USP10: variants seen among roughly 807,000 people sequenced by gnomAD.
The protein encoded by USP10 is ubiquitin carboxyl-terminal hydrolase 10.
USP10 carries 22 observed loss-of-function variants against 84.5 expected under a neutral mutation model. The ratio of observed to expected loss-of-function variants is 0.26; its 90% CI spans 0.19 to 0.37. The LOEUF (loss-of-function observed/expected upper bound fraction) is 0.37, where lower values mean the gene tolerates loss of function less well. Among genes scored for constraint, USP10 ranks in the 10% least tolerant of loss-of-function variants. USP10 has a pLI of 1.00. For missense variants in USP10, 1,019 were observed against 998.9 expected (o/e 1.02, Z -0.27); for synonymous variants, 454 against 387.6 (o/e 1.17, Z -2.01).
At chr16:84,705,087 C>G (rs548532128) in intron 1 of USP10, among the ~76,000 whole-genome samples, 2 of 152,308 alleles carry the variant, frequency 1.3e-5, no homozygotes, top group African/African-American at 4.8e-5. Flanking sequence ...CGGATCCATT[C>G]TCAGTTTATT....
intron 10 of USP10, among the ~76,000 whole-genome samples, chr16:84,766,284 G>A (rs939681141): frequency 1.3e-5 from 2 of 152,254 alleles, no homozygotes; most frequent in African/African-American, 4.8e-5. Flanking sequence ...TCTGTGTTCT[G>A]CACTGTGAGC....
chr16:84,737,095 G>T (rs965236102), intron 2 of USP10, among the ~76,000 whole-genome samples: 1 of 152,166 alleles, frequency 6.6e-6, no homozygotes, highest in Non-Finnish European at 1.5e-5. Context: ...GCCTAATTTG[G>T]TATCTTAATG....
Position 84,726,870 on chromosome 16 carries a change from C to G in USP10, c.22-6565C>G, listed in dbSNP as rs112815274. Among the ~76,000 whole-genome samples the G allele has an allele frequency of 8.8e-3, 1,339 of 152,364 alleles. 13 individuals are homozygous for G. Among genetic ancestry groups the G allele is most frequent in the African/African-American group, 0.03 (1,259 of 41,584 alleles). On this transcript the variant is annotated intron_variant, in intron 1 of 13. Transcript: ENST00000219473. ...CGCCCCTGGGCATTTCCTATGCAAC[C>G]ACAGGACGCGGGAAAGGAGCGTTTG...
At chr16:84,758,255 C>T (rs907846566) in intron 4 of USP10, among the ~76,000 whole-genome samples, 1 of 152,084 alleles carries the variant, frequency 6.6e-6, no homozygotes, top group African/African-American at 2.4e-5. Flanking sequence ...TGTGTAGGGT[C>T]AGCATTAGAT....
chr16:84,708,748 A>G (rs1271265969), intron 1 of USP10: 2 of 152,262 alleles, frequency 1.3e-5, no homozygotes, highest in South Asian at 2.1e-4. Flanking sequence ...GACTTGTAAT[A>G]GAATGCAAAA....
intron 1 of USP10, among the ~76,000 whole-genome samples, chr16:84,703,337 A>G (rs753359762): frequency 2.6e-5 from 4 of 152,204 alleles, no homozygotes; most frequent in African/African-American, 9.7e-5. Flanking sequence ...TGAAATCTCC[A>G]CAATAATGCT....
chr16:84,727,461 AAC>A (rs1908647250), intron 1 of USP10, among the ~76,000 whole-genome samples: 2 of 71,298 alleles, frequency 2.8e-5, no homozygotes, highest in South Asian at 6.0e-4. Flanking sequence ...GCTTTAAAAA[AAC>A]AAACAAACAA....
rs1911748486 is a variant in USP10, at chr16:84,750,175, A to G, written c.1192+4502A>G. Among the ~76,000 whole-genome samples, 5 of 152,132 alleles carry G rather than the reference A, an allele frequency of 3.3e-5. No homozygotes were observed. The South Asian group carries it at 1.0e-3, about 32-fold the overall frequency. On this transcript the variant is annotated intron_variant, in intron 4 of 13. Transcript: ENST00000219473. ...GTAATCCCAGCACTTTCGGAGGTTGAGGTGGGTGGATCCCTTGAGGCCAGG... is the reference window on the plus strand; with the variant it reads ...GTAATCCCAGCACTTTCGGAGGTTGGGGTGGGTGGATCCCTTGAGGCCAGG...
intron 9 of USP10, 21 bp from the exon 10 acceptor site, chr16:84,764,065 A>T: frequency 6.2e-7 from 1 of 1,605,502 alleles, no homozygotes; most frequent in Non-Finnish European, 8.5e-7. Context: ...TAGTAGTGTA[A>T]GCAGATGCTC....
At chr16:84,731,245 C>G (rs1278752946) in intron 1 of USP10, among the ~76,000 whole-genome samples, 2 of 151,122 alleles carry the variant, frequency 1.3e-5, no homozygotes, top group African/African-American at 4.9e-5. Flanking sequence ...TCCCAGAGTG[C>G]TGGGATTACA....
intron 2 of USP10, among the ~76,000 whole-genome samples, chr16:84,739,867 C>T (rs1910419715): frequency 6.6e-6 from 1 of 152,186 alleles, no homozygotes. Context: ...GACCTGGTCC[C>T]AGCCTCTACT....
At chr16:84,724,563 C>G (rs1908213881) in intron 1 of USP10, among the ~76,000 whole-genome samples, 1 of 152,154 alleles carries the variant, frequency 6.6e-6, no homozygotes, top group Non-Finnish European at 1.5e-5. Context: ...GACCTCTTTG[C>G]CCCAAGAAAG....
Position 84,759,363 on chromosome 16 carries a change from A to C in USP10, c.1285A>C (p.Thr429Pro). The change falls in exon 6 of 14, where the codon ACA (threonine) becomes CCA (proline). Residue 429 changes from threonine (T) to proline (P), a missense_variant and splice_region_variant. Thr to Pro is a conservative substitution (Grantham distance 38). Around this residue, in one of 2 missense-constraint regions of USP10, gnomAD observed 787 missense variants for 708.8 expected, o/e 1.11. Transcript: ENST00000219473. ...ACGCTTCCTTACTGCCACTACATAG[A>C]CACTGCAGGCATTGGTTGCTTGCCC... ...NKGNWCYINA[T>P]LQALVACPPM... 6.2e-7 allele frequency: 1 copy of C among 1,613,888 alleles called. No homozygotes were observed. Among genetic ancestry groups the C allele is most frequent in the East Asian group, 2.2e-5 (1 of 44,886 alleles).
At chr16:84,737,505 C>G (rs1169352451) in intron 2 of USP10, among the ~76,000 whole-genome samples, 1 of 152,194 alleles carries the variant, frequency 6.6e-6, no homozygotes, top group Non-Finnish European at 1.5e-5. Context: ...TGCTGTGTGC[C>G]TGTGGAATAA....
chr16:84,779,149 G>C lies in USP10; in HGVS notation c.*67G>C. 6.5e-7 allele frequency: 1 copy of C among 1,538,882 alleles called. No individual in the cohort carries two copies. Among genetic ancestry groups the C allele is most frequent in the Non-Finnish European group, 8.8e-7 (1 of 1,133,364 alleles). On this transcript the variant is annotated 3_prime_UTR_variant, in exon 14 of 14. Coordinates refer to ENST00000219473, the MANE Select transcript of USP10 (RefSeq NM_005153.3). ...GGACACCACCTCACACTCACTTCCCGCCTCTCTTTAGTGGCTCTTTAGAGA... is the reference window on the plus strand; with the variant it reads ...GGACACCACCTCACACTCACTTCCCCCCTCTCTTTAGTGGCTCTTTAGAGA...
chr16:84,775,510 G>C (rs547908707), intron 13 of USP10, among the ~76,000 whole-genome samples: 1 of 152,302 alleles, frequency 6.6e-6, no homozygotes, highest in South Asian at 2.1e-4. Context: ...CTGGCTGTTT[G>C]AGAATGTGAC....
intron 4 of USP10, among the ~76,000 whole-genome samples, chr16:84,758,071 C>G (rs1711757450): frequency 6.6e-6 from 1 of 152,168 alleles, no homozygotes; most frequent in Non-Finnish European, 1.5e-5. Flanking sequence ...AGAGTGATGT[C>G]CACTCAGGGT....
intron 2 of USP10, among the ~76,000 whole-genome samples, chr16:84,739,062 C>CTTTTT (rs35956790): frequency 2.1e-5 from 3 of 142,768 alleles, no homozygotes; most frequent in Non-Finnish European, 3.1e-5. Context: ...CTTCCTAAAC[C>CTTTTT]TTTTTTTTTT....
At position 84,764,939 on chromosome 16, in the gene USP10, A is replaced by AAAAAAAT. The variant is rs370383030; in HGVS notation, c.1832+677_1832+678insAAAAATA. On this transcript the variant is annotated intron_variant, in intron 10 of 13. Transcript: ENST00000219473. ...TAACCACGAGAGAGAGAGAAAAAAA[A>AAAAAAAT]ATATATATATATATATTAGACTTCA... 6.7e-3 allele frequency among the ~76,000 whole-genome samples: 887 copies of AAAAAAAT among 132,240 alleles called. 11 individuals are homozygous for AAAAAAAT. The highest frequency in any genetic ancestry group is 0.025 in the South Asian group (90 of 3,656). The allele number at this position is 132,240 out of a possible 152,430, so 86.8% of individuals were successfully genotyped here. A position where few individuals can be genotyped will look rare whatever the true frequency, so the allele number is the denominator to read the frequency against.
Sources: allele counts gnomAD v4.1 joint callset (sites outside exome capture counted in the v4.1 genomes callset), GRCh38; gene constraint gnomAD v4.1.1; regional missense constraint gnomAD v4.1.1; transcripts MANE v1.5; gene names NCBI Gene and HGNC (gene_info 2026-07-23, HGNC 2026-07-21).